Variants in SMIM14 observed in about 807,000 individuals in gnomAD.
SMIM14 encodes the protein small integral membrane protein 14.
A neutral mutation model predicts 12.6 loss-of-function variants in SMIM14; 5 were observed. The observed-to-expected ratio is 0.40, with a 90% CI of 0.21 to 0.83. SMIM14 has a LOEUF of 0.83. Ranked by LOEUF, SMIM14 falls within the 40% of genes least tolerant of loss-of-function variation. The pLI, the probability that SMIM14 is intolerant of heterozygous loss-of-function variation, is 0.37. For synonymous variants in SMIM14, 30 were observed against 40.1 expected, an observed-to-expected ratio of 0.75 and a Z score of 0.95; for missense variants, 86 against 119.1, an observed-to-expected ratio of 0.72 and a Z score of 1.29.
intron 1 of SMIM14, among the ~76,000 whole-genome samples, chr4:39,609,812 G>A (rs1181759281): frequency 6.6e-6 from 1 of 152,178 alleles, no homozygotes; most frequent in African/African-American, 2.4e-5. Context: ...AGTAGGTAGA[G>A]GGAACCTAGT....
intron 1 of SMIM14, chr4:39,621,049 T>C (rs1306500248): frequency 6.6e-6 from 1 of 152,148 alleles, no homozygotes. Context: ...CTAGCAGGCT[T>C]TCCGGTTTTT....
At position 39,570,911 on chromosome 4, in the gene SMIM14, G is replaced by T. The variant is rs1712847166; in HGVS notation, c.124+1504C>A. Among the ~76,000 whole-genome samples, 3 of 152,112 alleles carry T rather than the reference G, an allele frequency of 2.0e-5. No individual in the cohort carries two copies. In the South Asian group the frequency reaches 6.2e-4, roughly 32 times the overall value. The stretch of plus-strand genomic sequence containing the variant: ...TGATCCCATTTCTGTAAGTTTATAT[G>T]AAATCTAATTATGCCAGGCTTCACC... On this transcript the variant is annotated intron_variant, in intron 3 of 4. Transcript: ENST00000295958.
intron 2 of SMIM14, among the ~76,000 whole-genome samples, chr4:39,576,684 ATTTTTTTTTTTTTTT>A (rs574142564): frequency 2.0e-3 from 51 of 25,502 alleles, no homozygotes; most frequent in African/African-American, 6.5e-3. Context: ...ATATATATAT[ATTTTTTTTTTTTTTT>A]TTTTTTTTTT....
chr4:39,632,592 G>A (rs985097509), intron 1 of SMIM14, among the ~76,000 whole-genome samples: 2 of 151,296 alleles, frequency 1.3e-5, no homozygotes, highest in Non-Finnish European at 1.5e-5. Flanking sequence ...TCAGGAGTTC[G>A]AGACCAGCCT....
chr4:39,628,697 C>T (rs1715792400), intron 1 of SMIM14, among the ~76,000 whole-genome samples: 1 of 149,656 alleles, frequency 6.7e-6, no homozygotes, highest in African/African-American at 2.4e-5. Context: ...AACAAACAAA[C>T]AAAAACTCAG....
At chr4:39,590,801 CA>C (rs199795378) in intron 2 of SMIM14, among the ~76,000 whole-genome samples, 32,616 of 111,934 alleles carry the variant, frequency 0.29, 4,149 homozygotes, top group Middle Eastern at 0.45. Context: ...CACTCTGTCT[CA>C]AAAAAAAAAA....
intron 1 of SMIM14, among the ~76,000 whole-genome samples, chr4:39,615,941 A>T (rs1715206569): frequency 6.6e-6 from 1 of 152,232 alleles, no homozygotes; most frequent in Middle Eastern, 3.2e-3. Flanking sequence ...AACTATAAAG[A>T]ACCCAAATGT....
chr4:39,624,649 C>A (rs7694114), intron 1 of SMIM14, among the ~76,000 whole-genome samples: 54,149 of 151,004 alleles, frequency 0.36, 11,430 homozygotes, highest in Admixed American at 0.5. Flanking sequence ...CATGGTGAAA[C>A]CCCATCTCTA....
intron 2 of SMIM14, among the ~76,000 whole-genome samples, chr4:39,596,145 G>T (rs1714352299): frequency 6.6e-6 from 1 of 151,980 alleles, no homozygotes; most frequent in African/African-American, 2.4e-5. Flanking sequence ...GCCCAGGCTG[G>T]AGTGCAATGG....
At position 39,631,429 on chromosome 4, in the gene SMIM14, C is replaced by T. The variant is rs1003468728; in HGVS notation, c.-36+7310G>A. Among the ~76,000 whole-genome samples the T allele has an allele frequency of 2.8e-4, 43 of 151,652 alleles. 1 individual carries two copies. Among genetic ancestry groups the T allele is most frequent in the Admixed American group, 1.1e-3 (17 of 15,192 alleles). On this transcript the variant is annotated intron_variant, in intron 1 of 4. Coordinates refer to ENST00000295958, the MANE Select transcript of SMIM14 (RefSeq NM_174921.3). ...ATCCCAGCACTTTGGGAGGCCAAGG[C>T]GGGCGGATCACGAGGTCAGGAGATC...
intron 2 of SMIM14, among the ~76,000 whole-genome samples, chr4:39,580,896 T>C (rs563317152): frequency 2.6e-5 from 4 of 152,084 alleles, no homozygotes; most frequent in African/African-American, 7.2e-5. Context: ...AACCTTAAAT[T>C]CACCATGAGG....
chr4:39,627,004 C>T (rs1015434975), intron 1 of SMIM14, among the ~76,000 whole-genome samples: 8 of 152,134 alleles, frequency 5.3e-5, no homozygotes, highest in African/African-American at 1.2e-4. Context: ...TTACTTCTCA[C>T]GGTTCTGGAG....
chr4:39,593,062 C>T (rs536716687), intron 2 of SMIM14: 3 of 151,760 alleles, frequency 2.0e-5, no homozygotes, highest in South Asian at 4.2e-4. Flanking sequence ...ATGAGGCCAG[C>T]ATCATCCTGA....
intron 2 of SMIM14, among the ~76,000 whole-genome samples, chr4:39,580,527 T>C (rs1713441937): frequency 6.7e-6 from 1 of 149,350 alleles, no homozygotes; most frequent in Non-Finnish European, 1.5e-5. Context: ...GTTTCTTTCT[T>C]TCTTTTTTTT....
rs373315482 is a variant in SMIM14 at position 39,622,431 on chromosome 4, C to T, written c.-36+16308G>A. Among the ~76,000 whole-genome samples the T allele has an allele frequency of 2.6e-3, 368 of 140,084 alleles. 1 individual carries two copies. The highest frequency in any genetic ancestry group is 9.2e-3 in the African/African-American group (347 of 37,630). 91.9% of individuals were successfully genotyped at this position (140,084 alleles called of 152,430 possible). The stretch of plus-strand genomic sequence containing the variant: ...TTATTTATTTTTTGAGACGGAGTCT[C>T]GCTTTTTTGCCCAGGCTGGAGTGCA... On this transcript the variant is annotated intron_variant, in intron 1 of 4. Transcript: ENST00000295958.
chr4:39,563,790 T>A (rs1712439010), intron 3 of SMIM14, among the ~76,000 whole-genome samples: 1 of 152,248 alleles, frequency 6.6e-6, no homozygotes, highest in Non-Finnish European at 1.5e-5. Context: ...TTTTAAGAAC[T>A]GAGACCATCT....
At chr4:39,565,441 C>G (rs1391566949) in intron 3 of SMIM14, among the ~76,000 whole-genome samples, 1 of 152,156 alleles carries the variant, frequency 6.6e-6, no homozygotes, top group African/African-American at 2.4e-5. Context: ...TCTCCTAACT[C>G]AGCATCCAGA....
intron 2 of SMIM14, among the ~76,000 whole-genome samples, chr4:39,592,226 T>C (rs192196774): frequency 4.7e-5 from 7 of 149,554 alleles, no homozygotes; most frequent in Admixed American, 2.7e-4. Flanking sequence ...TATAGATAGA[T>C]AGACAGATAG....
chr4:39,622,072 ACT>A (rs1491122487), intron 1 of SMIM14, among the ~76,000 whole-genome samples: 6 of 152,026 alleles, frequency 3.9e-5, no homozygotes, highest in Non-Finnish European at 5.9e-5. Flanking sequence ...TAGCAAATGC[ACT>A]TTTTTGTTTT....
Sources: allele counts gnomAD v4.1 joint callset (sites outside exome capture counted in the v4.1 genomes callset), GRCh38; gene constraint gnomAD v4.1.1; transcripts MANE v1.5; gene names NCBI Gene and HGNC (gene_info 2026-07-23, HGNC 2026-07-21).